The following HHAT variants were observed in gnomAD, a reference collection of about 807,000 sequenced individuals.
HHAT encodes the protein hedgehog acyltransferase, also known as protein-cysteine N-palmitoyltransferase HHAT.
HHAT carries 47 observed loss-of-function variants against 70.8 expected under a neutral mutation model. That is an observed-to-expected ratio of 0.66 (90% CI 0.53 to 0.85). HHAT has a LOEUF of 0.85. Ranked by LOEUF, HHAT falls within the 40% of genes least tolerant of loss-of-function variation. The pLI is 0.00. For missense variants in HHAT, 609 were observed against 604.8 expected (o/e 1.01, Z -0.07); for synonymous variants, 228 against 247.6 (o/e 0.92, Z 0.74).
At chr1:210,488,152 G>C (rs1053993484) in intron 8 of HHAT, among the ~76,000 whole-genome samples, 1 of 152,178 alleles carries the variant, frequency 6.6e-6, no homozygotes, top group Non-Finnish European at 1.5e-5. Context: ...TGGAGAATTT[G>C]ATGCACAGCA....
At chr1:210,341,426 G>A (rs1201680386) in intron 1 of HHAT, among the ~76,000 whole-genome samples, 2 of 152,188 alleles carry the variant, frequency 1.3e-5, no homozygotes, top group Non-Finnish European at 2.9e-5. Flanking sequence ...TTATGTTTAT[G>A]TATGTTTCAG....
chr1:210,663,845 C>T (rs1325635472), intron 11 of HHAT, among the ~76,000 whole-genome samples: 1 of 152,230 alleles, frequency 6.6e-6, no homozygotes, highest in Non-Finnish European at 1.5e-5. Context: ...GATTCTGATG[C>T]AGACTTGCTG....
At chr1:210,632,248 G>T (rs1482005444) in intron 11 of HHAT, among the ~76,000 whole-genome samples, 1 of 152,226 alleles carries the variant, frequency 6.6e-6, no homozygotes, top group East Asian at 1.9e-4. Context: ...CTTTATAGAA[G>T]TGATAATGAA....
intron 11 of HHAT, among the ~76,000 whole-genome samples, chr1:210,659,889 C>T (rs910992823): frequency 6.6e-6 from 1 of 152,130 alleles, no homozygotes; most frequent in Non-Finnish European, 1.5e-5. Flanking sequence ...CAAAAACTCT[C>T]AATAAAATAG....
intron 9 of HHAT, among the ~76,000 whole-genome samples, chr1:210,531,563 A>C (rs1468062722): frequency 6.6e-6 from 1 of 152,226 alleles, no homozygotes; most frequent in African/African-American, 2.4e-5. Flanking sequence ...ACTCTACTGC[A>C]TACTAAGTCT....
intron 7 of HHAT, among the ~76,000 whole-genome samples, chr1:210,446,484 A>G (rs1426136081): frequency 1.3e-5 from 2 of 152,172 alleles, no homozygotes; most frequent in East Asian, 3.8e-4. Context: ...AAAAAGCAGA[A>G]TGTTTCTGCA....
chr1:210,659,025 G>C (rs1386992989), intron 11 of HHAT, among the ~76,000 whole-genome samples: 1 of 151,830 alleles, frequency 6.6e-6, no homozygotes, highest in Non-Finnish European at 1.5e-5. Context: ...ACAATTAAAA[G>C]AACTAGAGAA....
intron 4 of HHAT, among the ~76,000 whole-genome samples, chr1:210,391,465 A>G (rs1414827171): frequency 6.6e-6 from 1 of 152,220 alleles, no homozygotes; most frequent in African/African-American, 2.4e-5. Flanking sequence ...ATCTAATGAC[A>G]CAATAGAAAA....
At chr1:210,637,878 G>T (rs112334890) in intron 11 of HHAT, among the ~76,000 whole-genome samples, 3,604 of 124,278 alleles carry the variant, frequency 0.029, 74 homozygotes, top group Middle Eastern at 0.073. Context: ...AAAAGGGGGG[G>T]GCAAAGGACC....
At chr1:210,580,436 T>C (rs1271964841) in intron 9 of HHAT, among the ~76,000 whole-genome samples, 1 of 151,672 alleles carries the variant, frequency 6.6e-6, no homozygotes, top group East Asian at 1.9e-4. Context: ...TAGGTATACG[T>C]GTGCCATGGT....
At chr1:210,392,793 C>A (rs973053269) in intron 4 of HHAT, among the ~76,000 whole-genome samples, 1 of 151,994 alleles carries the variant, frequency 6.6e-6, no homozygotes, top group African/African-American at 2.4e-5. Context: ...TCTGCCCCAC[C>A]CCACCTCGTT....
At chr1:210,616,876 A>T (rs1667864363) in intron 10 of HHAT, among the ~76,000 whole-genome samples, 1 of 152,234 alleles carries the variant, frequency 6.6e-6, no homozygotes, top group African/African-American at 2.4e-5. Flanking sequence ...TCACACAGTG[A>T]ATTTTTTGCA....
chr1:210,606,191 C>T (rs1190913995), intron 10 of HHAT, among the ~76,000 whole-genome samples: 1 of 152,130 alleles, frequency 6.6e-6, no homozygotes, highest in Non-Finnish European at 1.5e-5. Flanking sequence ...TAACTATTAA[C>T]TGCTTTCTTT....
At chr1:210,390,684 A>T (rs1341804434) in intron 4 of HHAT, among the ~76,000 whole-genome samples, 2 of 152,158 alleles carry the variant, frequency 1.3e-5, no homozygotes, top group African/African-American at 2.4e-5. Context: ...CCCAAAGTCC[A>T]TTATACATTC....
intron 4 of HHAT, among the ~76,000 whole-genome samples, chr1:210,395,110 A>G (rs980835277): frequency 4.5e-4 from 68 of 152,162 alleles, no homozygotes; most frequent in African/African-American, 1.6e-3. Flanking sequence ...TTATTTTCCG[A>G]ATAATGCTCC....
At chr1:210,524,250 A>G (rs1049950266) in intron 9 of HHAT, among the ~76,000 whole-genome samples, 5 of 152,204 alleles carry the variant, frequency 3.3e-5, no homozygotes. Context: ...GTGTTTCTAC[A>G]ATAAAATTTT....
intron 9 of HHAT, among the ~76,000 whole-genome samples, chr1:210,524,558 G>A (rs1055195630): frequency 6.6e-6 from 1 of 152,218 alleles, no homozygotes; most frequent in African/African-American, 2.4e-5. Context: ...CCCTCCCTGA[G>A]GCTGGAGGAA....
intron 11 of HHAT, among the ~76,000 whole-genome samples, chr1:210,644,178 A>G (rs1274167968): frequency 6.6e-6 from 1 of 152,202 alleles, no homozygotes; most frequent in Non-Finnish European, 1.5e-5. Flanking sequence ...TACAACCAGG[A>G]CTAGAGGCCA....
chr1:210,480,046 A>G (rs2094369111), intron 8 of HHAT, among the ~76,000 whole-genome samples: 1 of 152,150 alleles, frequency 6.6e-6, no homozygotes, highest in Non-Finnish European at 1.5e-5. Context: ...TTCTGTATAA[A>G]TTAAGGTTCA....
Sources: gnomAD v4.1 joint callset for allele counts (sites outside exome capture counted in the v4.1 genomes callset) on GRCh38, gnomAD v4.1.1 for gene constraint, MANE v1.5 for transcripts, NCBI Gene and HGNC (gene_info 2026-07-23, HGNC 2026-07-21) for gene names.